FCN2: variants seen among roughly 807,000 people sequenced by gnomAD.
FCN2 encodes the protein ficolin-2.
In FCN2, 31 loss-of-function variants were observed where a neutral mutation model predicts 32.5. That is an observed-to-expected ratio of 0.96 (90% CI 0.72 to 1.29). The LOEUF (loss-of-function observed/expected upper bound fraction) is 1.29. Ranked by LOEUF, FCN2 falls within the 50% of genes most tolerant of loss-of-function variation. The probability of loss-of-function intolerance (pLI) is 0.00; values close to 1 mark genes in which losing one functional copy is unlikely to be tolerated. For missense variants in FCN2, 412 were observed against 406.5 expected (o/e 1.01, Z -0.12); for synonymous variants, 181 against 164.5 (o/e 1.10, Z -0.77).
At chr9:134,887,019 G>C in intron 7 of FCN2, 149 bp from the exon 8 acceptor site, 1 of 930,484 alleles carries the variant, frequency 1.1e-6, no homozygotes, top group South Asian at 1.3e-5. Context: ...ATTCACTGGA[G>C]TCATGGATTG....
chr9:134,870,285 G>A, the FCN2 span, among the ~76,000 whole-genome samples: 40 of 152,174 alleles, frequency 2.6e-4, no homozygotes, highest in Admixed American at 2.2e-3. This position sits in a 1 kb window ranked among gnomAD's most constrained non-coding sequence, Gnocchi z 4.3. Context: ...TTCCGACTCC[G>A]CTGCCTGGAG....
At chr9:134,886,592 C>G (rs754920466) in intron 7 of FCN2, 28 bp downstream of exon 7, 2 of 1,612,382 alleles carry the variant, frequency 1.2e-6, no homozygotes, top group African/African-American at 1.3e-5. Flanking sequence ...GCTGTGTGGC[C>G]TGGGCTTCTG....
chr9:134,870,635 C>T, the FCN2 span, among the ~76,000 whole-genome samples: 1 of 152,282 alleles, frequency 6.6e-6, no homozygotes, highest in East Asian at 1.9e-4. This position sits in a 1 kb window ranked among gnomAD's most constrained non-coding sequence, Gnocchi z 4.3. Flanking sequence ...AGAGCCCGGC[C>T]CTGCGGGGGG....
the FCN2 span, among the ~76,000 whole-genome samples, chr9:134,869,910 C>A: frequency 4.6e-5 from 7 of 152,124 alleles, no homozygotes; most frequent in Non-Finnish European, 8.8e-5. Context: ...GCACCCATAG[C>A]CAGCATAAGG....
chr9:134,886,565 G>T lies in FCN2; in HGVS notation c.694+1G>T, dbSNP rs1443328162. The stretch of plus-strand genomic sequence containing the variant: ...GGGGCCTTCGTGGAGGGCAGTGCGG[G>T]TGAGTGTCTGCTTGGGGCTGTGTGG... On this transcript the variant is annotated splice_donor_variant, in intron 7 of 7. Coordinates refer to ENST00000291744, the MANE Select transcript of FCN2 (RefSeq NM_004108.3). LOFTEE classifies it high-confidence loss of function. 1.2e-6 allele frequency: 2 copies of T among 1,614,058 alleles called. No homozygotes were observed. The highest frequency in any genetic ancestry group is 2.2e-5 in the East Asian group (1 of 44,870).
At chr9:134,864,283 T>A in the FCN2 span, among the ~76,000 whole-genome samples, 1 of 152,160 alleles carries the variant, frequency 6.6e-6, no homozygotes, top group East Asian at 1.9e-4. Flanking sequence ...CCCGCCAAGC[T>A]TTCCCTAAAG....
intron 2 of FCN2, 59 bp from the exon 3 acceptor site, chr9:134,883,242 TG>T: frequency 7.3e-7 from 1 of 1,366,234 alleles, no homozygotes; most frequent in Non-Finnish European, 1.0e-6. Flanking sequence ...AGCTCCAGGG[TG>T]GGCCCTTTGA....
the FCN2 span, among the ~76,000 whole-genome samples, chr9:134,869,637 G>A: frequency 6.6e-6 from 1 of 152,196 alleles, no homozygotes; most frequent in Non-Finnish European, 1.5e-5. Flanking sequence ...TTCTCTGCTC[G>A]ACTCAACTCT....
chr9:134,883,978 G>T (rs1376604129), intron 3 of FCN2, among the ~76,000 whole-genome samples: 6 of 124,182 alleles, frequency 4.8e-5, no homozygotes, highest in Non-Finnish European at 1.1e-4. Context: ...TCTTGAGAGG[G>T]TGGGGGGGGA....
At position 134,885,700 on chromosome 9, in the gene FCN2, G is replaced by T; in HGVS notation, c.430-68G>T. ...AACTACAAATGCTGCTCCTCTGGAG[G>T]GCGGGTCCCCCGTGCTGTGGGACGT... On this transcript the variant is annotated intron_variant, in intron 5 of 7. Transcript: ENST00000291744. 3 of 1,607,676 alleles carry T rather than the reference G, an allele frequency of 1.9e-6. No homozygotes were observed. In the South Asian group the frequency reaches 3.3e-5, roughly 18 times the overall value.
At chr9:134,878,720 G>C (rs111805928), upstream of FCN2, among the ~76,000 whole-genome samples, 1 of 152,242 alleles carries the variant, frequency 6.6e-6, no homozygotes, top group South Asian at 2.1e-4. Context: ...GTGCCTGCCT[G>C]TAATTCCAGC....
intron 5 of FCN2, 122 bp downstream of exon 5, chr9:134,885,488 G>T: frequency 6.8e-7 from 1 of 1,476,148 alleles, no homozygotes; most frequent in Non-Finnish European, 9.1e-7. Flanking sequence ...CAGAGATGAT[G>T]GGGGAGATGA....
At chr9:134,872,762 T>C in the FCN2 span, among the ~76,000 whole-genome samples, 522 of 152,272 alleles carry the variant, frequency 3.4e-3, 6 homozygotes, top group Non-Finnish European at 3.1e-3. Flanking sequence ...GTCCCTCCCA[T>C]GACACATGGG....
At position 134,880,858 on chromosome 9, in the gene FCN2, G is replaced by T; in HGVS notation, c.37G>T (p.Ala13Ser). The change falls in exon 1 of 8, where the codon GCC becomes TCC. Residue 13 changes from alanine to serine, a missense_variant. Coordinates refer to ENST00000291744, the MANE Select transcript of FCN2 (RefSeq NM_004108.3). ...CAGAGCTGTGGGGGTCCTGGGCGCT[G>T]CCACCCTGCTGCTCTCTTTCCTGGG... is the stretch of plus-strand genomic sequence containing the variant. Reference protein sequence around the residue: ...LDRAVGVLGAATLLLSFLGMA... With the variant: ...LDRAVGVLGASTLLLSFLGMA... 1 of 1,613,776 alleles carries T rather than the reference G, an allele frequency of 6.2e-7. No individual in the cohort carries two copies. Among genetic ancestry groups the T allele is most frequent in the South Asian group, 1.1e-5 (1 of 91,026 alleles).
upstream of FCN2, among the ~76,000 whole-genome samples, chr9:134,877,665 C>A (rs1165298717): frequency 6.6e-6 from 1 of 152,192 alleles, no homozygotes; most frequent in Admixed American, 6.5e-5. Flanking sequence ...TCCTCCTGGC[C>A]TTTGTGAGAT....
intron 5 of FCN2, 91 bp downstream of exon 5, chr9:134,885,457 A>C: frequency 1.3e-6 from 2 of 1,551,728 alleles, no homozygotes; most frequent in Non-Finnish European, 1.7e-6. Flanking sequence ...GGAATTCTCT[A>C]TTCTCCTGGT....
At chr9:134,878,312 G>A (rs1830621059), upstream of FCN2, among the ~76,000 whole-genome samples, 1 of 152,200 alleles carries the variant, frequency 6.6e-6, no homozygotes, top group South Asian at 2.1e-4. Context: ...GCTCAGCCAT[G>A]AACTGGCCAT....
intron 4 of FCN2, among the ~76,000 whole-genome samples, 158 bp from the exon 5 acceptor site, chr9:134,885,081 C>T (rs775938962): frequency 3.9e-5 from 6 of 152,212 alleles, no homozygotes; most frequent in Non-Finnish European, 8.8e-5. Context: ...ATCACAGCTG[C>T]GTGGCCCTGG....
At chr9:134,878,943 G>A (rs893712891), upstream of FCN2, among the ~76,000 whole-genome samples, 2 of 152,194 alleles carry the variant, frequency 1.3e-5, no homozygotes, top group Non-Finnish European at 2.9e-5. Flanking sequence ...CCTATAAGGA[G>A]CCTGTGAATA....
Sources: gnomAD v4.1 joint callset for allele counts (sites outside exome capture counted in the v4.1 genomes callset) on GRCh38, gnomAD v4.1.1 for gene constraint, Gnocchi (gnomAD v3.1) non-coding constraint, MANE v1.5 for transcripts, NCBI Gene and HGNC (gene_info 2026-07-23, HGNC 2026-07-21) for gene names.